The following PAK3 variants were observed in gnomAD, a reference collection of about 807,000 sequenced individuals.
PAK3 encodes p21 (RAC1) activated kinase 3.
Under a neutral mutation model 41.0 loss-of-function variants are expected in PAK3, and 4 were observed. That is an observed-to-expected ratio of 0.10 (90% confidence interval 0.05 to 0.22). PAK3 has a LOEUF of 0.22. Ranked by LOEUF, PAK3 falls within the 10% of genes least tolerant of loss-of-function variation. PAK3 has a pLI of 1.00. For synonymous variants in PAK3, 146 were observed against 139.6 expected (o/e 1.05, Z -0.32); for missense variants, 205 against 409.9 (o/e 0.50, Z 4.32).
Position 110,964,565 on chromosome X carries a change from A to G in PAK3, c.-28+19937A>G, listed in dbSNP as rs1042849907. Among the ~76,000 whole-genome samples the G allele has an allele frequency of 1.3e-4, 15 of 112,220 alleles. 1 individual carries two copies. Among genetic ancestry groups the G allele is most frequent in the African/African-American group, 4.9e-4 (15 of 30,893 alleles). On this transcript the variant is annotated intron_variant, in intron 1 of 14. Transcript: ENST00000425146. Reference sequence around the variant, plus strand: ...ACTGCACTGCACAACTCCAGGGAGCACTGTTCACATTGCAGTCTCTGTGCA... The same window carrying G: ...ACTGCACTGCACAACTCCAGGGAGCGCTGTTCACATTGCAGTCTCTGTGCA...
intron 1 of PAK3, among the ~76,000 whole-genome samples, chrX:110,993,575 A>G (rs1042509409): frequency 4.5e-5 from 5 of 112,038 alleles, no homozygotes; most frequent in Non-Finnish European, 9.4e-5. Flanking sequence ...TTGCCAATCC[A>G]TTTGACTGTA....
At chrX:110,946,236 A>G (rs1161092502) in intron 1 of PAK3, among the ~76,000 whole-genome samples, 3 of 111,253 alleles carry the variant, frequency 2.7e-5, no homozygotes, top group African/African-American at 9.8e-5. Context: ...AAAGAATGGC[A>G]TGTATGAAGG....
chrX:111,098,825 G>T (rs754989769), intron 3 of PAK3: 1 of 111,406 alleles, frequency 9.0e-6, no homozygotes, highest in African/African-American at 3.3e-5. Flanking sequence ...CCCTGTGTGC[G>T]CAGGGAACTG....
At chrX:111,022,835 G>A (rs2092208439) in intron 1 of PAK3, among the ~76,000 whole-genome samples, 2 of 110,999 alleles carry the variant, frequency 1.8e-5, no homozygotes. Context: ...AGGTAAAGGG[G>A]TAGAAAAAGA....
chrX:111,087,573 A>G, intron 1 of PAK3, among the ~76,000 whole-genome samples: 1 of 110,662 alleles, frequency 9.0e-6, no homozygotes, highest in East Asian at 2.8e-4. Context: ...TTCACACTTG[A>G]GACCACTTAA....
Position 111,138,080 on chromosome X carries a change from A to G in PAK3, c.176-4016A>G, listed in dbSNP as rs747106233. Reference sequence around the variant, plus strand: ...TTTTTTTAATGCCACTGAGTAATAAATAGTTTAACTGTTGAAAACTTTGGT... The same window carrying G: ...TTTTTTTAATGCCACTGAGTAATAAGTAGTTTAACTGTTGAAAACTTTGGT... On this transcript the variant is annotated intron_variant, in intron 5 of 17. Transcript: ENST00000372007. 2.7e-5 allele frequency among the ~76,000 whole-genome samples: 3 copies of G among 109,745 alleles called. No homozygotes were observed. The East Asian group carries it at 8.6e-4, about 32-fold the overall frequency.
chrX:111,009,102 T>C (rs922586884), intron 1 of PAK3, among the ~76,000 whole-genome samples: 1 of 111,213 alleles, frequency 9.0e-6, no homozygotes, highest in South Asian at 3.9e-4. Context: ...ATTTGGTACA[T>C]TCACAGTGTT....
intron 8 of PAK3, among the ~76,000 whole-genome samples, chrX:111,155,231 TG>T (rs1355148802): frequency 9.0e-6 from 1 of 110,811 alleles, no homozygotes; most frequent in Non-Finnish European, 1.9e-5. Flanking sequence ...CTGAGTATAG[TG>T]GTTCATGCCT....
chrX:111,205,740 C>T (rs1378286701), intron 16 of PAK3, among the ~76,000 whole-genome samples: 5 of 110,918 alleles, frequency 4.5e-5, no homozygotes, highest in Non-Finnish European at 9.4e-5. Flanking sequence ...TATGTACGGG[C>T]CTGTTCAGCT....
intron 1 of PAK3, among the ~76,000 whole-genome samples, chrX:111,028,200 T>C (rs1223301359): frequency 9.4e-6 from 1 of 106,807 alleles, no homozygotes; most frequent in East Asian, 3.0e-4. Context: ...AACTAAGCTA[T>C]GAGGACACAA....
At chrX:110,950,164 A>C (rs750986721) in intron 1 of PAK3, among the ~76,000 whole-genome samples, 1 of 111,742 alleles carries the variant, frequency 8.9e-6, no homozygotes, top group African/African-American at 3.2e-5. Context: ...ACACATGCTC[A>C]TTCTTGCTTA....
chrX:110,978,847 G>A (rs2091392358), intron 1 of PAK3, among the ~76,000 whole-genome samples: 1 of 109,268 alleles, frequency 9.2e-6, no homozygotes, highest in Non-Finnish European at 1.9e-5. Context: ...AAGTGAATTG[G>A]AAAGTGTTTT....
upstream of PAK3, among the ~76,000 whole-genome samples, chrX:111,095,771 C>G (rs772749330): frequency 1.8e-5 from 2 of 111,290 alleles, no homozygotes; most frequent in Non-Finnish European, 3.8e-5. Context: ...TGTCCCAAAT[C>G]GAAACCGTTT....
intron 1 of PAK3, among the ~76,000 whole-genome samples, chrX:110,982,270 T>C (rs776437263): frequency 2.7e-5 from 3 of 112,027 alleles, no homozygotes; most frequent in Non-Finnish European, 5.6e-5. Context: ...GCACACCAAG[T>C]TGGTTGTGAG....
chrX:111,192,210 CT>C, intron 12 of PAK3, 35 bp downstream of exon 12: 1 of 898,029 alleles, frequency 1.1e-6, no homozygotes, highest in Non-Finnish European at 1.6e-6. Flanking sequence ...TTTTTATTTT[CT>C]TTTATTCATA....
chrX:110,966,569 C>A (rs1280501158), intron 1 of PAK3, among the ~76,000 whole-genome samples: 1 of 111,247 alleles, frequency 9.0e-6, no homozygotes, highest in Non-Finnish European at 1.9e-5. Context: ...TCAAGACAGT[C>A]CTATTCAAAT....
rs756380641 is a variant in PAK3 at position 111,198,691 on chromosome X, A to AT, written c.1407+2061dup. On this transcript the variant is annotated intron_variant, in intron 16 of 17. Transcript: ENST00000372007. Reference sequence around the variant, plus strand: ...ACCTGTCCTATTCATCTATGTGTCTATTTTTTTTTTACCAGTACCATGCTG... The same window carrying AT: ...ACCTGTCCTATTCATCTATGTGTCTATTTTTTTTTTTACCAGTACCATGCTG... 5.2e-4 allele frequency among the ~76,000 whole-genome samples: 55 copies of AT among 105,103 alleles called. No homozygotes were observed. The East Asian group carries it at 6.5e-3, about 12-fold the overall frequency. 91.3% of individuals were successfully genotyped at this position (105,103 alleles called of 115,157 possible).
chrX:111,084,364 T>C (rs1204658935), intron 1 of PAK3, among the ~76,000 whole-genome samples: 2 of 112,774 alleles, frequency 1.8e-5, no homozygotes, highest in East Asian at 5.6e-4. Context: ...AACAGATTAT[T>C]GATTTACTGG....
intron 1 of PAK3, among the ~76,000 whole-genome samples, chrX:110,950,883 T>C (rs764258614): frequency 1.8e-5 from 2 of 111,486 alleles, no homozygotes; most frequent in African/African-American, 6.5e-5. Flanking sequence ...CCTGCCAAAC[T>C]GCCTCTCAGA....
Sources: gnomAD v4.1 joint callset for allele counts (sites outside exome capture counted in the v4.1 genomes callset) on GRCh38, gnomAD v4.1.1 for gene constraint, MANE v1.5 for transcripts, NCBI Gene and HGNC (gene_info 2026-07-23, HGNC 2026-07-21) for gene names.